Variants in PKHD1 observed in about 807,000 individuals in gnomAD.
PKHD1 encodes the protein fibrocystin.
PKHD1 carries 291 observed loss-of-function variants against 412.0 expected under a neutral mutation model. That is an observed-to-expected ratio of 0.71 (90% CI 0.64 to 0.78). The LOEUF is 0.78. Ranked by LOEUF, PKHD1 falls within the 30% of genes least tolerant of loss-of-function variation. The pLI is 0.00. For synonymous variants in PKHD1, 1,777 were observed against 1,821.5 expected, an observed-to-expected ratio of 0.98 and a Z score of 0.62; for missense variants, 4,825 against 4,950.7, an observed-to-expected ratio of 0.97 and a Z score of 0.76.
intron 60 of PKHD1, among the ~76,000 whole-genome samples, chr6:51,687,850 C>T (rs748868990): frequency 3.9e-5 from 6 of 152,160 alleles, no homozygotes; most frequent in Non-Finnish European, 8.8e-5. Flanking sequence ...TTTGACACTG[C>T]AATCTCCAAA....
intron 6 of PKHD1, among the ~76,000 whole-genome samples, chr6:52,074,132 G>T (rs1456155164): frequency 2.0e-5 from 3 of 152,204 alleles, no homozygotes; most frequent in Non-Finnish European, 4.4e-5. Flanking sequence ...ATGTTGGTTA[G>T]TGAGATAAAC....
chr6:51,909,504 T>G, intron 39 of PKHD1, 30 bp from the exon 40 acceptor site: 1 of 1,563,442 alleles, frequency 6.4e-7, no homozygotes, highest in Non-Finnish European at 8.8e-7. Flanking sequence ...CCAGAGAACC[T>G]AAAGCATGTA....
intron 36 of PKHD1, among the ~76,000 whole-genome samples, chr6:51,949,871 C>T (rs750219070): frequency 1.3e-5 from 2 of 152,118 alleles, no homozygotes; most frequent in Non-Finnish European, 2.9e-5. Flanking sequence ...CACACACACA[C>T]AGAAGCAGAG....
intron 36 of PKHD1, among the ~76,000 whole-genome samples, chr6:51,938,762 G>T (rs149458249): frequency 6.6e-6 from 1 of 151,550 alleles, no homozygotes; most frequent in Non-Finnish European, 1.5e-5. Flanking sequence ...TCTTTGTTCC[G>T]TGAGAAAGAT....
chr6:51,676,729 T>C (rs187387009), intron 60 of PKHD1, among the ~76,000 whole-genome samples: 111 of 152,276 alleles, frequency 7.3e-4, no homozygotes, highest in African/African-American at 2.5e-3. Context: ...AACTCCAAAA[T>C]CTCAAAGCTG....
At chr6:51,914,451 A>G (rs1010389412) in intron 37 of PKHD1, among the ~76,000 whole-genome samples, 4 of 152,104 alleles carry the variant, frequency 2.6e-5, no homozygotes, top group Non-Finnish European at 1.5e-5. Flanking sequence ...TTGGCCTCAT[A>G]TTTCTAGCTA....
intron 52 of PKHD1, among the ~76,000 whole-genome samples, chr6:51,827,714 T>C (rs532858679): frequency 6.6e-6 from 1 of 152,278 alleles, no homozygotes; most frequent in African/African-American, 2.4e-5. Context: ...ATGTGTTTTA[T>C]TAACCCAGCA....
chr6:52,027,333 A>C (rs1258863487), intron 31 of PKHD1, among the ~76,000 whole-genome samples: 1 of 152,028 alleles, frequency 6.6e-6, no homozygotes, highest in Non-Finnish European at 1.5e-5. Flanking sequence ...GGAGTTCAAG[A>C]CCAGCCTGGC....
At chr6:51,939,558 A>G (rs1788129977) in intron 36 of PKHD1, among the ~76,000 whole-genome samples, 1 of 151,600 alleles carries the variant, frequency 6.6e-6, no homozygotes, top group Non-Finnish European at 1.5e-5. Flanking sequence ...GGTTCCAAAT[A>G]GCCAGAAAAC....
chr6:51,813,333 C>T (rs945414436), intron 52 of PKHD1, among the ~76,000 whole-genome samples: 14 of 152,054 alleles, frequency 9.2e-5, no homozygotes, highest in Non-Finnish European at 8.8e-5. Context: ...GTGCCTGGAA[C>T]ATTAAAAAAC....
intron 35 of PKHD1, among the ~76,000 whole-genome samples, chr6:51,988,230 T>C (rs1370003659): frequency 6.6e-6 from 1 of 152,206 alleles, no homozygotes; most frequent in East Asian, 1.9e-4. Context: ...TCACAGTATA[T>C]ACATATATTA....
intron 60 of PKHD1, among the ~76,000 whole-genome samples, chr6:51,711,922 C>G (rs1488932150): frequency 6.6e-6 from 1 of 152,170 alleles, no homozygotes; most frequent in Non-Finnish European, 1.5e-5. Context: ...TTTGAGCAAC[C>G]TACATGGTTT....
chr6:51,683,528 T>G (rs1776991069), intron 60 of PKHD1, among the ~76,000 whole-genome samples: 1 of 152,050 alleles, frequency 6.6e-6, no homozygotes, highest in Admixed American at 6.6e-5. Flanking sequence ...TTCAACCATA[T>G]ATAAGGTTAA....
intron 49 of PKHD1, among the ~76,000 whole-genome samples, chr6:51,850,192 T>A (rs768523221): frequency 8.5e-5 from 13 of 152,182 alleles, no homozygotes; most frequent in Non-Finnish European, 1.9e-4. Context: ...TTGTCAACGA[T>A]CTGATGGTTG....
intron 52 of PKHD1, among the ~76,000 whole-genome samples, chr6:51,821,873 G>A (rs1766487581): frequency 6.6e-6 from 1 of 152,114 alleles, no homozygotes; most frequent in Admixed American, 6.5e-5. Flanking sequence ...TTTTAGTAGA[G>A]ACAGGGTTTC....
intron 52 of PKHD1, among the ~76,000 whole-genome samples, chr6:51,813,385 A>G (rs936600328): frequency 2.0e-5 from 3 of 152,158 alleles, no homozygotes; most frequent in Non-Finnish European, 2.9e-5. Context: ...TGTTGCTAGT[A>G]CTACCACTGT....
intron 44 of PKHD1, 23 bp downstream of exon 44, chr6:51,887,110 T>C (rs1006056852): frequency 2.9e-6 from 4 of 1,400,388 alleles, no homozygotes; most frequent in African/African-American, 2.8e-5. Context: ...AGCCAAAACA[T>C]AGATGAATTT....
chr6:51,819,690 G>C (rs543531970), intron 52 of PKHD1, among the ~76,000 whole-genome samples: 1 of 152,138 alleles, frequency 6.6e-6, no homozygotes, highest in African/African-American at 2.4e-5. Flanking sequence ...CACATAATAA[G>C]TTATGCACCC....
chr6:51,967,735 CCAGAT>C (rs1281005563), intron 35 of PKHD1, among the ~76,000 whole-genome samples: 1 of 151,656 alleles, frequency 6.6e-6, no homozygotes, highest in Non-Finnish European at 1.5e-5. Flanking sequence ...ACACACAGAG[CCAGAT>C]CAGAAGATTG....
Sources: allele counts gnomAD v4.1 joint callset (sites outside exome capture counted in the v4.1 genomes callset), GRCh38; gene constraint gnomAD v4.1.1; transcripts MANE v1.5; gene names NCBI Gene and HGNC (gene_info 2026-07-23, HGNC 2026-07-21).